PTPRD: variants seen among roughly 807,000 people sequenced by gnomAD.
PTPRD encodes protein tyrosine phosphatase receptor type D.
In PTPRD, 34 loss-of-function variants were observed where a neutral mutation model predicts 214.5. That is an observed-to-expected ratio of 0.16 (90% CI 0.12 to 0.21). PTPRD has a LOEUF of 0.21. Ranked by LOEUF, PTPRD falls within the 10% of genes least tolerant of loss-of-function variation. The pLI is 1.00. For missense variants in PTPRD, 2,545 were observed against 2,398.7 expected (o/e 1.06, Z -1.27); for synonymous variants, 1,128 against 845.7 (o/e 1.33, Z -5.79).
intron 2 of PTPRD, among the ~76,000 whole-genome samples, chr9:10,520,099 G>A (rs1452376711): frequency 2.6e-5 from 4 of 152,166 alleles, no homozygotes. Flanking sequence ...AAATGATTAA[G>A]CTTAGTGAGG....
intron 7 of PTPRD, among the ~76,000 whole-genome samples, chr9:9,666,997 T>A (rs1182814352): frequency 2.0e-5 from 3 of 152,086 alleles, no homozygotes; most frequent in Non-Finnish European, 4.4e-5. Context: ...TCATCGTTTC[T>A]CTTTAAATAT....
At chr9:10,074,613 A>G (rs2154182853) in intron 3 of PTPRD, among the ~76,000 whole-genome samples, 1 of 152,232 alleles carries the variant, frequency 6.6e-6, no homozygotes. Context: ...CTCTGATCCC[A>G]CTAAAGCCCA....
At chr9:10,157,756 C>T (rs1177017295) in intron 3 of PTPRD, among the ~76,000 whole-genome samples, 3 of 152,146 alleles carry the variant, frequency 2.0e-5, no homozygotes, top group African/African-American at 7.2e-5. Flanking sequence ...CCATTATCCT[C>T]ATCTCTTTCA....
intron 5 of PTPRD, among the ~76,000 whole-genome samples, chr9:9,858,860 A>C (rs1459291759): frequency 6.6e-6 from 1 of 152,144 alleles, no homozygotes; most frequent in Non-Finnish European, 1.5e-5. Context: ...AAATTAATCC[A>C]ACCCATCCAT....
intron 8 of PTPRD, among the ~76,000 whole-genome samples, chr9:9,431,745 C>T (rs1157578549): frequency 6.6e-6 from 1 of 151,852 alleles, no homozygotes; most frequent in African/African-American, 2.4e-5. Flanking sequence ...GAGTTCATGT[C>T]CTTTGTAGGG....
chr9:10,135,932 G>C (rs1405075979), intron 3 of PTPRD, among the ~76,000 whole-genome samples: 2 of 145,116 alleles, frequency 1.4e-5, no homozygotes, highest in Admixed American at 7.0e-5. Flanking sequence ...GCACAGAATT[G>C]TAAGTTGAAT....
rs370061505 is a variant in PTPRD, at chr9:8,485,916, C to T, written c.2901G>A (p.Pro967=). Residue 967 remains proline (P), a synonymous_variant, in exon 28 of 46, where the codon CCG becomes CCA. Transcript: ENST00000381196. ...LYRDINIPLL[P]MEQLIVPADT... ...CAGCTGGAACAATAAGCTGCTCCAT[C>T]GGGAGAAGGGGGATGTTGATATCCC... is the stretch of plus-strand genomic sequence containing the variant. 10 of 1,614,110 alleles carry T rather than the reference C, an allele frequency of 6.2e-6. No homozygotes were observed. The highest frequency in any genetic ancestry group is 3.3e-5 in the Admixed American group (2 of 60,024).
intron 8 of PTPRD, among the ~76,000 whole-genome samples, chr9:9,510,444 C>G (rs961137215): frequency 6.6e-6 from 1 of 151,392 alleles, no homozygotes; most frequent in Non-Finnish European, 1.5e-5. Flanking sequence ...ACATAGATTT[C>G]TTAATAAGGA....
intron 43 of PTPRD, among the ~76,000 whole-genome samples, chr9:8,333,523 C>G (rs1033218415): frequency 6.6e-6 from 1 of 152,104 alleles, no homozygotes; most frequent in African/African-American, 2.4e-5. Flanking sequence ...ATGTCACCAC[C>G]AGGCCTGCCT....
intron 9 of PTPRD, among the ~76,000 whole-genome samples, chr9:9,289,981 A>G (rs1024315649): frequency 2.6e-5 from 4 of 151,766 alleles, no homozygotes; most frequent in African/African-American, 4.8e-5. Flanking sequence ...CCCAGAAATT[A>G]GGTTGTTGAA....
At chr9:10,455,479 T>C (rs2098905073) in intron 2 of PTPRD, among the ~76,000 whole-genome samples, 1 of 151,664 alleles carries the variant, frequency 6.6e-6, no homozygotes, top group African/African-American at 2.4e-5. Context: ...CCAATGACTT[T>C]TTTTACATCT....
At chr9:9,531,602 GT>G (rs1267227913) in intron 8 of PTPRD, among the ~76,000 whole-genome samples, 1 of 152,012 alleles carries the variant, frequency 6.6e-6, no homozygotes, top group Non-Finnish European at 1.5e-5. Flanking sequence ...GTATCTCATT[GT>G]TTTTATGGCT....
chr9:8,929,919 A>G lies in PTPRD; in HGVS notation c.-104+88778T>C, dbSNP rs62529111. 5.0e-3 allele frequency among the ~76,000 whole-genome samples: 131 copies of G among 26,080 alleles called. 5 individuals carry two copies. Among genetic ancestry groups the G allele is most frequent in the South Asian group, 0.034 (19 of 566 alleles). 17.1% of individuals were successfully genotyped at this position (26,080 alleles called of 152,430 possible). On this transcript the variant is annotated intron_variant, in intron 11 of 45. Coordinates refer to ENST00000381196, the MANE Select transcript of PTPRD (RefSeq NM_002839.4). ...TATATGTGTATATATATGTGTGTGT[A>G]TATATATATGTGTATATATATATGT...
At chr9:8,830,744 T>A (rs1432659144) in intron 11 of PTPRD, among the ~76,000 whole-genome samples, 1 of 152,054 alleles carries the variant, frequency 6.6e-6, no homozygotes, top group Non-Finnish European at 1.5e-5. Flanking sequence ...CAAATGGTCA[T>A]TCGCACGCAA....
intron 3 of PTPRD, among the ~76,000 whole-genome samples, chr9:10,065,191 G>GA (rs1555538042): frequency 2.4e-4 from 36 of 151,274 alleles, no homozygotes; most frequent in South Asian, 1.1e-3. Flanking sequence ...AAGAAAGAAA[G>GA]AAAAGGATGC....
At chr9:9,313,187 G>C (rs1278282521) in intron 9 of PTPRD, among the ~76,000 whole-genome samples, 1 of 152,086 alleles carries the variant, frequency 6.6e-6, no homozygotes, top group Non-Finnish European at 1.5e-5. Flanking sequence ...TGTGTCATAA[G>C]TTGCAGTTTC....
rs4008232 is a variant in PTPRD, at chr9:8,315,939, C to CAT, written c.*1933_*1934dup. 2,152 of 223,098 alleles carry CAT rather than the reference C, an allele frequency of 9.6e-3. 31 individuals are homozygous for CAT. Among genetic ancestry groups the CAT allele is most frequent in the African/African-American group, 0.044 (1,969 of 44,608 alleles). 13.8% of individuals were successfully genotyped at this position (223,098 alleles called of 1,614,324 possible). A position where few individuals can be genotyped will look rare whatever the true frequency, so the allele number is the denominator to read the frequency against. On this transcript the variant is annotated 3_prime_UTR_variant, in exon 46 of 46. Coordinates refer to ENST00000381196, the MANE Select transcript of PTPRD (RefSeq NM_002839.4). ...TGTTGGAAGAATTGGGGGTAAGATA[C>CAT]ATATATATATATAGTTTATTTCCCC... is the stretch of plus-strand genomic sequence containing the variant.
intron 36 of PTPRD, among the ~76,000 whole-genome samples, chr9:8,400,372 T>C (rs1391077127): frequency 6.6e-6 from 1 of 152,198 alleles, no homozygotes; most frequent in African/African-American, 2.4e-5. Flanking sequence ...TTACATGTAC[T>C]TGACATTTGT....
At chr9:8,561,087 C>G (rs1172934373) in intron 14 of PTPRD, among the ~76,000 whole-genome samples, 2 of 152,186 alleles carry the variant, frequency 1.3e-5, no homozygotes, top group Non-Finnish European at 2.9e-5. Flanking sequence ...TTGGACCAGA[C>G]TGAGAACCTG....
Sources: gnomAD v4.1 joint callset for allele counts (sites outside exome capture counted in the v4.1 genomes callset) on GRCh38, gnomAD v4.1.1 for gene constraint, MANE v1.5 for transcripts, NCBI Gene and HGNC (gene_info 2026-07-23, HGNC 2026-07-21) for gene names.